MYO3A: variants seen among roughly 807,000 people sequenced by gnomAD.
MYO3A encodes myosin IIIA.
In MYO3A, 180 loss-of-function variants were observed where a neutral mutation model predicts 192.7. That is an observed-to-expected ratio of 0.93 (90% CI 0.83 to 1.06). The LOEUF (loss-of-function observed/expected upper bound fraction) is 1.06. Ranked by LOEUF, MYO3A falls within the 50% of genes least tolerant of loss-of-function variation. The pLI is 0.00. For missense variants in MYO3A, 1,896 were observed against 1,905.0 expected, an observed-to-expected ratio of 1.00 and a Z score of 0.09; for synonymous variants, 628 against 645.3, an observed-to-expected ratio of 0.97 and a Z score of 0.41.
At chr10:26,073,647 AATG>A (rs1564521914) in intron 14 of MYO3A, among the ~76,000 whole-genome samples, 93 of 43,806 alleles carry the variant, frequency 2.1e-3, no homozygotes, top group African/African-American at 4.0e-3. Flanking sequence ...TAATAATAAT[AATG>A]ATAATAAATA....
chr10:26,121,337 A>C (rs533922031), intron 18 of MYO3A, among the ~76,000 whole-genome samples: 7 of 152,210 alleles, frequency 4.6e-5, no homozygotes, highest in South Asian at 4.2e-4. Context: ...TTTTCCATTA[A>C]TATCTTCAAC....
chr10:25,950,735 T>C (rs1052477193), intron 2 of MYO3A, among the ~76,000 whole-genome samples: 1 of 151,730 alleles, frequency 6.6e-6, no homozygotes, highest in African/African-American at 2.4e-5. Context: ...GAGTGAAAAA[T>C]TAAGAGGGCT....
chr10:26,169,024 G>A, intron 28 of MYO3A, 150 bp downstream of exon 28: 2 of 716,500 alleles, frequency 2.8e-6, no homozygotes. Context: ...AAGTCAAATT[G>A]TTTTAGTGAT....
intron 2 of MYO3A, among the ~76,000 whole-genome samples, chr10:25,937,451 G>A (rs1375502142): frequency 6.6e-6 from 1 of 152,242 alleles, no homozygotes; most frequent in East Asian, 1.9e-4. Flanking sequence ...ATCCTGTATT[G>A]CAATTTACGA....
chr10:26,176,714 C>T lies in MYO3A; in HGVS notation c.4307C>T (p.Ser1436Phe). The stretch of plus-strand genomic sequence containing the variant: ...CCTTCTTTTTAGATATCAAAGTTAT[C>T]TGAAGAATATTTCATTCTGCAGAAA... The part of the protein sequence containing the change: ...AIFSKQISKL[S>F]EEYFILQKKL... Residue 1436 changes from serine (S) to phenylalanine (F), a missense_variant, in exon 31 of 35, where the codon TCT becomes TTT. Transcript: ENST00000642920. 3.1e-6 allele frequency: 5 copies of T among 1,609,584 alleles called. No individual in the cohort carries two copies. The South Asian group carries it at 5.5e-5, about 18-fold the overall frequency.
At chr10:26,109,572 A>G (rs1838033276) in intron 17 of MYO3A, among the ~76,000 whole-genome samples, 1 of 152,182 alleles carries the variant, frequency 6.6e-6, no homozygotes, top group African/African-American at 2.4e-5. Flanking sequence ...TCTATCTGTG[A>G]TTTCAGGAAT....
chr10:26,183,479 C>T (rs1367450659), intron 31 of MYO3A, among the ~76,000 whole-genome samples: 3 of 151,984 alleles, frequency 2.0e-5, no homozygotes, highest in Non-Finnish European at 2.9e-5. Context: ...GCCAAGATTG[C>T]GCCACTGCAC....
At chr10:26,028,312 T>G (rs1464498179) in intron 10 of MYO3A, among the ~76,000 whole-genome samples, 5 of 152,266 alleles carry the variant, frequency 3.3e-5, no homozygotes, top group Admixed American at 3.3e-4. Context: ...GCCCAAGCTT[T>G]AATTCACAGG....
intron 2 of MYO3A, among the ~76,000 whole-genome samples, chr10:25,939,887 A>G (rs1393080346): frequency 6.6e-6 from 1 of 151,776 alleles, no homozygotes; most frequent in African/African-American, 2.4e-5. Context: ...CCTTTATTTG[A>G]CATGTTTTGG....
At position 26,174,003 on chromosome 10, in the gene MYO3A, G is replaced by T; in HGVS notation, c.3739G>T (p.Glu1247Ter). 1.9e-6 allele frequency: 3 copies of T among 1,611,252 alleles called. No individual in the cohort carries two copies. The highest frequency in any genetic ancestry group is 2.5e-6 in the Non-Finnish European group (3 of 1,179,296). ...IQSYYQRYTEERNCEESKAAY... is the reference protein window; with the variant it reads ...IQSYYQRYTE ...GAGTTACTATCAGAGGTACACAGAG[G>T]AGAGGAATTGTGAAGAGTCAAAAGC... is the stretch of plus-strand genomic sequence containing the variant. Residue 1247 changes from glutamate to a stop codon, truncating the protein, a stop_gained, in exon 30 of 35, where the codon GAG (glutamate) becomes TAG (stop). Transcript: ENST00000642920. LOFTEE classifies it high-confidence loss of function.
intron 8 of MYO3A, 72 bp from the exon 9 acceptor site, chr10:26,023,950 A>T (rs768821643): frequency 7.4e-7 from 1 of 1,349,600 alleles, no homozygotes; most frequent in African/African-American, 1.4e-5. Flanking sequence ...GCATTAGTCT[A>T]TCTGGCTCTG....
intron 14 of MYO3A, among the ~76,000 whole-genome samples, chr10:26,085,670 C>T (rs1539323): frequency 0.38 from 57,162 of 152,024 alleles, 11,244 homozygotes; most frequent in Middle Eastern, 0.52. Context: ...AGGAGGCCTG[C>T]GGCCCTCTGA....
intron 10 of MYO3A, among the ~76,000 whole-genome samples, chr10:26,029,659 T>C (rs1842720574): frequency 6.6e-6 from 1 of 152,210 alleles, no homozygotes; most frequent in South Asian, 2.1e-4. Flanking sequence ...ATCTGACTTT[T>C]TATGTCTGGC....
At chr10:26,005,219 C>T (rs1388394228) in intron 6 of MYO3A, among the ~76,000 whole-genome samples, 1 of 152,100 alleles carries the variant, frequency 6.6e-6, no homozygotes, top group Non-Finnish European at 1.5e-5. Flanking sequence ...CTCAGCATCA[C>T]TTCTGTGATG....
intron 20 of MYO3A, 40 bp downstream of exon 20, chr10:26,128,578 G>T: frequency 6.4e-7 from 1 of 1,551,774 alleles, no homozygotes; most frequent in Non-Finnish European, 8.9e-7. Context: ...ATGCATGCAT[G>T]TATTATAGGC....
chr10:26,016,359 T>A (rs1212593260), intron 6 of MYO3A, among the ~76,000 whole-genome samples: 2 of 152,254 alleles, frequency 1.3e-5, no homozygotes, highest in East Asian at 3.9e-4. Flanking sequence ...TTTATGAAGA[T>A]TCACAAGTCA....
At chr10:25,999,613 A>G (rs999683993) in intron 6 of MYO3A, among the ~76,000 whole-genome samples, 13 of 152,200 alleles carry the variant, frequency 8.5e-5, no homozygotes, top group Non-Finnish European at 2.9e-5. Context: ...AGCTGGGAGT[A>G]AAGGGTTATA....
intron 6 of MYO3A, among the ~76,000 whole-genome samples, chr10:26,008,804 G>T (rs1319869882): frequency 6.6e-6 from 1 of 151,998 alleles, no homozygotes; most frequent in Non-Finnish European, 1.5e-5. Context: ...TTCAACCATT[G>T]TGGAAGTCAG....
At chr10:26,123,105 A>G (rs1323622561) in intron 18 of MYO3A, among the ~76,000 whole-genome samples, 1 of 152,206 alleles carries the variant, frequency 6.6e-6, no homozygotes, top group African/African-American at 2.4e-5. Flanking sequence ...TTTAAATGCA[A>G]AAAAATCATA....
Sources: gnomAD v4.1 joint callset for allele counts (sites outside exome capture counted in the v4.1 genomes callset) on GRCh38, gnomAD v4.1.1 for gene constraint, MANE v1.5 for transcripts, NCBI Gene and HGNC (gene_info 2026-07-23, HGNC 2026-07-21) for gene names.